Variants in DLG2 observed in about 807,000 individuals in gnomAD.
DLG2 encodes the protein discs large MAGUK scaffold protein 2.
In DLG2, 45 loss-of-function variants were observed where a neutral mutation model predicts 132.5. That is an observed-to-expected ratio of 0.34 (90% CI 0.27 to 0.44). DLG2 has a LOEUF of 0.44. DLG2 is among the 20% of genes least tolerant of loss of function. The pLI is 1.00. For synonymous variants in DLG2, 424 were observed against 419.6 expected, an observed-to-expected ratio of 1.01 and a Z score of -0.13; for missense variants, 1,045 against 1,196.9, an observed-to-expected ratio of 0.87 and a Z score of 1.87.
At chr11:85,261,549 G>A (rs2076942685) in intron 4 of DLG2, among the ~76,000 whole-genome samples, 1 of 152,088 alleles carries the variant, frequency 6.6e-6, no homozygotes, top group Admixed American at 6.6e-5. Context: ...TGGATTGTGG[G>A]AATTAGGATA....
chr11:84,054,148 T>C (rs1052392576), intron 11 of DLG2, among the ~76,000 whole-genome samples: 1 of 152,106 alleles, frequency 6.6e-6, no homozygotes, highest in Non-Finnish European at 1.5e-5. Flanking sequence ...ACTTATATGA[T>C]TCCTAAGCAA....
At chr11:83,463,076 C>G (rs534561466) in intron 26 of DLG2, among the ~76,000 whole-genome samples, 206 of 152,252 alleles carry the variant, frequency 1.4e-3, no homozygotes, top group Middle Eastern at 0.01. Flanking sequence ...TCTGGAACAT[C>G]TGGCCTTAGT....
At chr11:83,859,363 A>T (rs948705929) in intron 16 of DLG2, among the ~76,000 whole-genome samples, 2 of 152,200 alleles carry the variant, frequency 1.3e-5, no homozygotes, top group Non-Finnish European at 2.9e-5. Context: ...TGGACAATGA[A>T]ATCCAGGCTG....
At chr11:85,618,494 C>T (rs1040527837) in intron 2 of DLG2, among the ~76,000 whole-genome samples, 3 of 152,128 alleles carry the variant, frequency 2.0e-5, no homozygotes, top group Admixed American at 6.5e-5. Flanking sequence ...CAATGTTTAT[C>T]CCAGGCAAAT....
At chr11:85,287,623 C>T (rs145967434) in intron 3 of DLG2, among the ~76,000 whole-genome samples, 164 of 152,170 alleles carry the variant, frequency 1.1e-3, no homozygotes, top group Non-Finnish European at 1.9e-3. Flanking sequence ...TCCTATAAGT[C>T]GGTATTTCTA....
intron 6 of DLG2, among the ~76,000 whole-genome samples, chr11:84,734,461 T>C (rs1225305611): frequency 6.6e-6 from 1 of 152,170 alleles, no homozygotes; most frequent in Non-Finnish European, 1.5e-5. Flanking sequence ...TGTATAAGAA[T>C]GCTTGTGATT....
At chr11:84,746,395 A>C (rs1380868414) in intron 6 of DLG2, among the ~76,000 whole-genome samples, 2 of 152,116 alleles carry the variant, frequency 1.3e-5, no homozygotes, top group Non-Finnish European at 2.9e-5. Flanking sequence ...ATTAGCAATG[A>C]ACTTAACTCT....
At chr11:83,542,660 A>G (rs1016991546) in intron 19 of DLG2, among the ~76,000 whole-genome samples, 9 of 152,186 alleles carry the variant, frequency 5.9e-5, no homozygotes, top group African/African-American at 2.2e-4. Flanking sequence ...TGTAATATGT[A>G]TGAGTGGCAG....
intron 3 of DLG2, among the ~76,000 whole-genome samples, chr11:85,397,226 G>A (rs1158331735): frequency 1.3e-5 from 2 of 152,180 alleles, no homozygotes; most frequent in African/African-American, 4.8e-5. Flanking sequence ...ACAAGTGAAT[G>A]CTGAGAGATT....
chr11:85,438,552 C>T (rs2091611186), intron 3 of DLG2, among the ~76,000 whole-genome samples: 1 of 152,178 alleles, frequency 6.6e-6, no homozygotes, highest in Admixed American at 6.5e-5. Flanking sequence ...ATCTTATACA[C>T]TTTACACAGT....
chr11:84,993,516 T>C (rs776639754), intron 6 of DLG2, among the ~76,000 whole-genome samples: 7 of 152,194 alleles, frequency 4.6e-5, no homozygotes, highest in Non-Finnish European at 7.3e-5. Flanking sequence ...TAAAGGAATG[T>C]GGGAAGTTTA....
chr11:84,102,521 T>C (rs559980446), intron 9 of DLG2, among the ~76,000 whole-genome samples: 1 of 152,260 alleles, frequency 6.6e-6, no homozygotes, highest in African/African-American at 2.4e-5. Context: ...AGCTCAGGCA[T>C]TCAAACTGTG....
chr11:84,482,528 T>C (rs2099140491), intron 7 of DLG2, among the ~76,000 whole-genome samples: 1 of 152,230 alleles, frequency 6.6e-6, no homozygotes, highest in African/African-American at 2.4e-5. Flanking sequence ...TTGCCTCATC[T>C]GTAAAAGGGT....
intron 3 of DLG2, among the ~76,000 whole-genome samples, chr11:85,295,663 C>T (rs2079168155): frequency 1.3e-5 from 2 of 152,082 alleles, no homozygotes; most frequent in Non-Finnish European, 2.9e-5. Context: ...AATATCAGTG[C>T]TAAAACAAGT....
intron 4 of DLG2, among the ~76,000 whole-genome samples, chr11:85,182,856 C>T (rs545812020): frequency 6.0e-5 from 9 of 149,866 alleles, no homozygotes; most frequent in East Asian, 2.0e-4. Flanking sequence ...ACCATGGCAA[C>T]TAGATAATGT....
chr11:84,712,209 A>G (rs979997623), intron 6 of DLG2, among the ~76,000 whole-genome samples: 2 of 152,128 alleles, frequency 1.3e-5, no homozygotes, highest in African/African-American at 4.8e-5. Flanking sequence ...GAATTGTACA[A>G]TTCAATATTC....
chr11:83,748,751 G>T (rs2093095720), intron 18 of DLG2, among the ~76,000 whole-genome samples: 1 of 152,130 alleles, frequency 6.6e-6, no homozygotes, highest in African/African-American at 2.4e-5. Flanking sequence ...TCTTTTATGT[G>T]CACTATTTAT....
chr11:83,489,616 C>T (rs1446059159), intron 21 of DLG2, among the ~76,000 whole-genome samples: 1 of 151,950 alleles, frequency 6.6e-6, no homozygotes, highest in Non-Finnish European at 1.5e-5. Flanking sequence ...GCATTATGGT[C>T]ATGCCATATT....
intron 16 of DLG2, among the ~76,000 whole-genome samples, chr11:83,836,520 C>T (rs2056214547): frequency 6.6e-6 from 1 of 152,194 alleles, no homozygotes; most frequent in Admixed American, 6.5e-5. Context: ...TTCCTCTTCT[C>T]CAACTAGCTG....
Sources: allele counts gnomAD v4.1 joint callset (sites outside exome capture counted in the v4.1 genomes callset), GRCh38; gene constraint gnomAD v4.1.1; transcripts MANE v1.5; gene names NCBI Gene and HGNC (gene_info 2026-07-23, HGNC 2026-07-21).